The following ZNF860 variants were observed in gnomAD, a reference collection of about 807,000 sequenced individuals.
The protein encoded by ZNF860 is zinc finger protein 860.
For missense variants in ZNF860, 641 were observed against 759.2 expected (o/e 0.84, Z 1.83); for synonymous variants, 206 against 248.9 (o/e 0.83, Z 1.62).
At chr3:31,998,304 C>T in the ZNF860 span, among the ~76,000 whole-genome samples, 1 of 152,122 alleles carries the variant, frequency 6.6e-6, no homozygotes, top group Non-Finnish European at 1.5e-5. Flanking sequence ...TCAAAGTATA[C>T]TCCCCATCAG....
In ZNF860 at chr3:31,989,942, G is replaced by T; in HGVS notation, c.863G>T (p.Cys288Phe). Residue 288 changes from cysteine (C) to phenylalanine (F), a missense_variant, in exon 2 of 2, where the codon TGT becomes TTT. Cys to Phe is a radical substitution (Grantham distance 205, BLOSUM62 -2). Coordinates refer to ENST00000360311, the MANE Select transcript of ZNF860 (RefSeq NM_001137674.3). ...RCHTGEKPYK[C>F]NECGKVFNQQ... ...CACACTGGTGAGAAACCTTACAAGT[G>T]TAATGAATGTGGCAAGGTTTTTAAT... 6.2e-7 allele frequency: 1 copy of T among 1,614,168 alleles called. No individual in the cohort carries two copies. The highest frequency in any genetic ancestry group is 8.5e-7 in the Non-Finnish European group (1 of 1,179,996).
chr3:31,992,414 T>TA (rs199542261), downstream of ZNF860, among the ~76,000 whole-genome samples: 1,407 of 152,266 alleles, frequency 9.2e-3, 26 homozygotes, highest in African/African-American at 0.032. Flanking sequence ...AAATGGGTCT[T>TA]ACATGGTAAA....
At chr3:31,982,504 C>A (rs1024329405) in intron 1 of ZNF860, among the ~76,000 whole-genome samples, 1 of 152,128 alleles carries the variant, frequency 6.6e-6, no homozygotes, top group Non-Finnish European at 1.5e-5. Flanking sequence ...GACAGTTCCC[C>A]GAGCCCAACC....
chr3:31,990,913 C>T lies in ZNF860; in HGVS notation c.1834C>T (p.His612Tyr), dbSNP rs2125522078. The T allele has an allele frequency of 6.4e-7, 1 of 1,574,732 alleles. No homozygotes were observed. ...TACTTCACATTCACATCGCATTAGA[C>T]ATCAGAGAATCCATACCGGACAGAA... ...AFTSHSHRIR[H>Y]QRIHTGQKSY... Residue 612 changes from histidine to tyrosine, a missense_variant, in exon 2 of 2, where the codon CAT (histidine) becomes TAT (tyrosine). His to Tyr is a moderately conservative substitution (Grantham distance 83, BLOSUM62 2). Coordinates refer to ENST00000360311, the MANE Select transcript of ZNF860 (RefSeq NM_001137674.3).
the ZNF860 span, among the ~76,000 whole-genome samples, chr3:31,997,683 C>T: frequency 2.0e-5 from 3 of 152,034 alleles, no homozygotes; most frequent in Non-Finnish European, 4.4e-5. Flanking sequence ...CAAATTTCAT[C>T]AAGCGAACAT....
the ZNF860 span, among the ~76,000 whole-genome samples, chr3:32,005,937 T>C: frequency 6.6e-6 from 1 of 151,782 alleles, no homozygotes; most frequent in African/African-American, 2.4e-5. Flanking sequence ...TTATTTATTT[T>C]ATTTTTTATT....
chr3:31,988,324 T>C (rs918183967), intron 1 of ZNF860, among the ~76,000 whole-genome samples: 1 of 152,116 alleles, frequency 6.6e-6, no homozygotes, highest in African/African-American at 2.4e-5. Context: ...ATTGTGGACT[T>C]GAAGCTAGTG....
chr3:31,992,536 C>A (rs1366162924), downstream of ZNF860, among the ~76,000 whole-genome samples: 2 of 152,060 alleles, frequency 1.3e-5, no homozygotes, highest in African/African-American at 2.4e-5. Flanking sequence ...TGGTTTTTGG[C>A]CCCTTTCAGC....
chr3:31,989,743 G>A lies in ZNF860; in HGVS notation c.664G>A (p.Glu222Lys), dbSNP rs1304934472. 10 of 1,614,100 alleles carry A rather than the reference G, an allele frequency of 6.2e-6. No individual in the cohort carries two copies. The highest frequency in any genetic ancestry group is 8.5e-6 in the Non-Finnish European group (10 of 1,180,006). ...TTCATCATTACTCACACTAAAACAG[G>A]AAGTACACATAAGAGAAAAATCTTT... ...FHSSLLTLKQ[E>K]VHIREKSFQC... Residue 222 changes from glutamate (E) to lysine (K), a missense_variant, in exon 2 of 2, where the codon GAA (glutamate) becomes AAA (lysine). Transcript: ENST00000360311.
At chr3:31,983,660 T>C (rs760735587) in intron 1 of ZNF860, among the ~76,000 whole-genome samples, 3 of 152,198 alleles carry the variant, frequency 2.0e-5, no homozygotes, top group Non-Finnish European at 4.4e-5. Flanking sequence ...TGTTCCCTGC[T>C]CTCTTCACCC....
chr3:32,005,107 C>T, the ZNF860 span, among the ~76,000 whole-genome samples: 2 of 151,996 alleles, frequency 1.3e-5, no homozygotes, highest in African/African-American at 2.4e-5. Flanking sequence ...ATGTGCAGAA[C>T]GTTCAGGTTT....
Position 31,989,648 on chromosome 3 carries a change from TA to T in ZNF860, c.571del (p.Thr191ArgfsTer29). On this transcript the variant is annotated frameshift_variant, in exon 2 of 2. Transcript: ENST00000360311. LOFTEE classifies it low-confidence loss of function (END_TRUNC). Reference sequence around the variant, plus strand: ...TCTATCAACGATGCTTCCTCAGTTCTAACGTCCCAAAGAATTTCTTCTAGGC... The same window carrying T: ...TCTATCAACGATGCTTCCTCAGTTCTACGTCCCAAAGAATTTCTTCTAGGC... Reference protein sequence around the residue: ...EKSINDASSVLTSQRISSRPK... With the variant: ...EKSINDASSVXTSQRISSRPK... 6.2e-7 allele frequency: 1 copy of T among 1,614,202 alleles called. No homozygotes were observed.
chr3:32,005,307 A>G, the ZNF860 span, among the ~76,000 whole-genome samples: 2 of 152,156 alleles, frequency 1.3e-5, no homozygotes, highest in Non-Finnish European at 2.9e-5. Context: ...TAACTGCTGG[A>G]AAGTATTCCA....
At chr3:32,003,860 T>C in the ZNF860 span, among the ~76,000 whole-genome samples, 1 of 152,078 alleles carries the variant, frequency 6.6e-6, no homozygotes, top group East Asian at 1.9e-4. Context: ...AACAGTGGAT[T>C]TGGAGGGACA....
At position 31,990,636 on chromosome 3, in the gene ZNF860, T is replaced by C; in HGVS notation, c.1557T>C (p.Phe519=). The C allele has an allele frequency of 6.2e-7, 1 of 1,614,052 alleles. No individual in the cohort carries two copies. The highest frequency in any genetic ancestry group is 1.1e-5 in the South Asian group (1 of 91,074). The part of the protein sequence containing the change: ...PYKCNECGKV[F]NQQATLARHH... Reference sequence around the variant, plus strand: ...AGTGTAATGAATGTGGCAAGGTTTTTAATCAACAAGCAACCCTTGCACGTC... The same window carrying C: ...AGTGTAATGAATGTGGCAAGGTTTTCAATCAACAAGCAACCCTTGCACGTC... The change falls in exon 2 of 2, where the codon TTT becomes TTC. Residue 519 remains phenylalanine, a synonymous_variant. Transcript: ENST00000360311.
the ZNF860 span, among the ~76,000 whole-genome samples, chr3:32,002,706 A>G: frequency 6.6e-6 from 1 of 152,254 alleles, no homozygotes; most frequent in Admixed American, 6.5e-5. Context: ...TTTTAGAGAA[A>G]AAAGGTTTCT....
chr3:31,987,747 C>T (rs1036820498), intron 1 of ZNF860, among the ~76,000 whole-genome samples: 1 of 152,194 alleles, frequency 6.6e-6, no homozygotes, highest in Admixed American at 6.5e-5. Context: ...TATAATGTCA[C>T]TTTGCCACAT....
the ZNF860 span, among the ~76,000 whole-genome samples, chr3:31,997,623 A>AT: frequency 3.4e-4 from 52 of 151,198 alleles, no homozygotes; most frequent in Non-Finnish European, 6.2e-4. Context: ...CAGAAGAAGG[A>AT]TTTTTTTTGT....
chr3:31,996,743 C>T, the ZNF860 span, among the ~76,000 whole-genome samples: 2 of 151,754 alleles, frequency 1.3e-5, no homozygotes, highest in Non-Finnish European at 2.9e-5. Flanking sequence ...AAGCAAAAGC[C>T]GAAAAACCAG....
Sources: allele counts gnomAD v4.1 joint callset (sites outside exome capture counted in the v4.1 genomes callset), GRCh38; gene constraint gnomAD v4.1.1; transcripts MANE v1.5; gene names NCBI Gene and HGNC (gene_info 2026-07-23, HGNC 2026-07-21).